Variants in AKT3 observed in about 807,000 individuals in gnomAD.
AKT3 encodes the protein AKT serine/threonine kinase 3.
In AKT3, 15 loss-of-function variants were observed where a neutral mutation model predicts 65.3. That is an observed-to-expected ratio of 0.23 (90% confidence interval 0.15 to 0.35). AKT3 has a LOEUF of 0.35. AKT3 is among the 10% of genes least tolerant of loss of function. The pLI is 1.00. For missense variants in AKT3, 243 were observed against 576.5 expected (o/e 0.42, Z 5.92); for synonymous variants, 206 against 183.8 (o/e 1.12, Z -0.98).
At chr1:243,629,094 T>C (rs1019733546) in intron 6 of AKT3, among the ~76,000 whole-genome samples, 20 of 151,924 alleles carry the variant, frequency 1.3e-4, no homozygotes, top group African/African-American at 4.6e-4. Context: ...CTGACCAACA[T>C]GGTGAAACCC....
intron 2 of AKT3, among the ~76,000 whole-genome samples, chr1:243,726,174 A>G (rs1687198394): frequency 6.6e-6 from 1 of 152,160 alleles, no homozygotes; most frequent in Non-Finnish European, 1.5e-5. Flanking sequence ...TAAATTTAGA[A>G]TTCCAACTGG....
At chr1:243,564,448 T>C (rs1342237630) in intron 9 of AKT3, among the ~76,000 whole-genome samples, 1 of 152,180 alleles carries the variant, frequency 6.6e-6, no homozygotes. Flanking sequence ...AATAAAAATA[T>C]ATAGCATAAA....
At position 243,794,479 on chromosome 1, in the gene AKT3, C is replaced by T. The variant is rs141219321; in HGVS notation, c.46+48646G>A. The T allele has an allele frequency of 1.7e-4, 26 of 152,312 alleles. No individual in the cohort carries two copies. The East Asian group carries it at 4.6e-3, about 27-fold the overall frequency. The allele number at this position is 152,312 out of a possible 1,614,324, so 9.4% of individuals were successfully genotyped here. A position where few individuals can be genotyped will look rare whatever the true frequency, so the allele number is the denominator to read the frequency against. On this transcript the variant is annotated intron_variant, in intron 2 of 13. Coordinates refer to ENST00000673466, the MANE Select transcript of AKT3 (RefSeq NM_005465.7). ...TATAACATTATATCAAAAAGAACTA[C>T]CAAGTTTTAAACAACTACTTTACAA...
intron 12 of AKT3, among the ~76,000 whole-genome samples, chr1:243,525,038 GC>G (rs1327112529): frequency 6.6e-6 from 1 of 152,106 alleles, no homozygotes; most frequent in East Asian, 1.9e-4. Context: ...AACAAGTACA[GC>G]AGCTTTTAAG....
intron 12 of AKT3, among the ~76,000 whole-genome samples, chr1:243,524,112 G>T (rs151260835): frequency 6.6e-6 from 1 of 152,190 alleles, no homozygotes; most frequent in Non-Finnish European, 1.5e-5. Context: ...CAACACAATG[G>T]TAAGTATTTG....
Position 243,509,572 on chromosome 1 carries a change from C to CTA in AKT3, c.1354+2750_1354+2751dup, listed in dbSNP as rs140332361. Among the ~76,000 whole-genome samples the CTA allele has an allele frequency of 1.3e-4, 20 of 152,260 alleles. No individual in the cohort carries two copies. The East Asian group carries it at 3.5e-3, about 26-fold the overall frequency. Reference sequence around the variant, plus strand: ...TCCATTTTGATTTGCTCTGGTCTTTCTAGTCTCACATTTCTGAGCATCGCA... The same window carrying CTA: ...TCCATTTTGATTTGCTCTGGTCTTTCTATAGTCTCACATTTCTGAGCATCGCA... On this transcript the variant is annotated intron_variant, in intron 13 of 13. Coordinates refer to ENST00000673466, the MANE Select transcript of AKT3 (RefSeq NM_005465.7).
In AKT3 at chr1:243,640,130, C is replaced by A. The variant is rs937771415; in HGVS notation, c.430-2388G>T. Among the ~76,000 whole-genome samples the A allele has an allele frequency of 2.0e-5, 3 of 151,978 alleles. No homozygotes were observed. In the East Asian group the frequency reaches 5.8e-4, roughly 29 times the overall value. ...TATCTCTAGTTCAAAGATAAAGTAG[C>A]AAAGAGATAGCAGGGAAAATAATAA... On this transcript the variant is annotated intron_variant, in intron 5 of 13. Coordinates refer to ENST00000673466, the MANE Select transcript of AKT3 (RefSeq NM_005465.7).
In AKT3 at chr1:243,750,555, T is replaced by C. The variant is rs375753780; in HGVS notation, c.47-54839A>G. ...ATACTACTCTTTACCGGTAAGTTAT[T>C]AGTAAATGCTTGTTGATTAAGGCTA... On this transcript the variant is annotated intron_variant, in intron 2 of 13. Coordinates refer to ENST00000673466, the MANE Select transcript of AKT3 (RefSeq NM_005465.7). Among the ~76,000 whole-genome samples the C allele has an allele frequency of 2.4e-4, 36 of 152,224 alleles. 1 individual carries two copies. In the East Asian group the frequency reaches 4.6e-3, roughly 20 times the overall value.
intron 8 of AKT3, among the ~76,000 whole-genome samples, chr1:243,589,384 A>C (rs1011340161): frequency 6.6e-6 from 1 of 152,038 alleles, no homozygotes; most frequent in African/African-American, 2.4e-5. Flanking sequence ...ACCTGAATAT[A>C]CTTTTCAAAG....
At chr1:243,838,294 C>T (rs1477159100) in intron 2 of AKT3, among the ~76,000 whole-genome samples, 5 of 152,066 alleles carry the variant, frequency 3.3e-5, no homozygotes, top group African/African-American at 1.2e-4. Context: ...CTTATGTTTA[C>T]TCTCCATGTA....
chr1:243,780,672 T>C (rs1026573268), intron 2 of AKT3, among the ~76,000 whole-genome samples: 4 of 151,562 alleles, frequency 2.6e-5, no homozygotes, highest in Non-Finnish European at 4.4e-5. Context: ...AGAAAGATAA[T>C]ACAACTATGG....
chr1:243,679,037 CAAG>C (rs748779287), intron 3 of AKT3, among the ~76,000 whole-genome samples: 56 of 152,104 alleles, frequency 3.7e-4, no homozygotes, highest in Admixed American at 1.3e-4. Context: ...GCCTACTCAA[CAAG>C]AAGACAATGA....
At chr1:243,749,112 T>C (rs1688649411) in intron 2 of AKT3, among the ~76,000 whole-genome samples, 1 of 152,130 alleles carries the variant, frequency 6.6e-6, no homozygotes, top group African/African-American at 2.4e-5. Context: ...TCCCTTCTAC[T>C]TGTCTCATTC....
intron 1 of AKT3, among the ~76,000 whole-genome samples, chr1:243,848,985 A>G (rs1695632116): frequency 6.6e-6 from 1 of 152,226 alleles, no homozygotes; most frequent in South Asian, 2.1e-4. Flanking sequence ...TTCAGAACAT[A>G]AACAGTAAAT....
intron 2 of AKT3, among the ~76,000 whole-genome samples, chr1:243,744,775 A>G (rs528093705): frequency 8.0e-4 from 122 of 151,750 alleles, no homozygotes; most frequent in Non-Finnish European, 9.7e-4. Flanking sequence ...TATACATAAC[A>G]GAAATAGACT....
Position 243,589,363 on chromosome 1 carries a change from A to G in AKT3, c.697-16315T>C, listed in dbSNP as rs111851936. 1.1e-3 allele frequency among the ~76,000 whole-genome samples: 169 copies of G among 152,112 alleles called. 3 individuals carry two copies. Among genetic ancestry groups the G allele is most frequent in the Non-Finnish European group, 2.0e-3 (137 of 67,980 alleles). ...AAAAGAAAAAAAATCTGATCAAAAA[A>G]TAGGGAAAGGACCTGAATATACTTT... On this transcript the variant is annotated intron_variant, in intron 8 of 13. Transcript: ENST00000673466.
intron 5 of AKT3, among the ~76,000 whole-genome samples, chr1:243,640,177 A>G (rs900643843): frequency 6.6e-6 from 1 of 152,254 alleles, no homozygotes; most frequent in Non-Finnish European, 1.5e-5. Flanking sequence ...TCAACTAAAA[A>G]TCAAACATGT....
intron 2 of AKT3, among the ~76,000 whole-genome samples, chr1:243,773,424 C>G (rs1690325037): frequency 6.6e-6 from 1 of 151,982 alleles, no homozygotes; most frequent in Non-Finnish European, 1.5e-5. Flanking sequence ...ACTGTGACCT[C>G]TTTAGGAAGG....
intron 2 of AKT3, among the ~76,000 whole-genome samples, chr1:243,798,989 A>G (rs1692218056): frequency 6.6e-6 from 1 of 152,222 alleles, no homozygotes; most frequent in African/African-American, 2.4e-5. Flanking sequence ...CCCAGACAAG[A>G]CTGGGTGTGG....
Sources: gnomAD v4.1 joint callset for allele counts (sites outside exome capture counted in the v4.1 genomes callset) on GRCh38, gnomAD v4.1.1 for gene constraint, MANE v1.5 for transcripts, NCBI Gene and HGNC (gene_info 2026-07-23, HGNC 2026-07-21) for gene names.